The following PDE4B variants were observed in gnomAD, a reference collection of about 807,000 sequenced individuals.
The protein encoded by PDE4B is phosphodiesterase 4B.
Under a neutral mutation model 82.2 loss-of-function variants are expected in PDE4B, and 20 were observed. The observed-to-expected ratio is 0.24, with a 90% confidence interval of 0.17 to 0.35. PDE4B has a LOEUF of 0.35. PDE4B is among the 10% of genes least tolerant of loss of function. The probability of loss-of-function intolerance (pLI) is 1.00; values close to 1 mark genes in which losing one functional copy is unlikely to be tolerated. For missense variants in PDE4B, 655 were observed against 907.2 expected, an observed-to-expected ratio of 0.72 and a Z score of 3.57; for synonymous variants, 320 against 318.9, an observed-to-expected ratio of 1.00 and a Z score of -0.04.
intron 7 of PDE4B, among the ~76,000 whole-genome samples, chr1:66,288,032 C>G (rs534474402): frequency 6.6e-6 from 1 of 151,910 alleles, no homozygotes; most frequent in East Asian, 1.9e-4. Context: ...AAAGAAATAC[C>G]AAAGGTTAGG....
intron 3 of PDE4B, among the ~76,000 whole-genome samples, chr1:66,029,308 CCT>C (rs1653629586): frequency 6.6e-6 from 1 of 152,128 alleles, no homozygotes; most frequent in Admixed American, 6.5e-5. Context: ...ATTACCTCTC[CCT>C]GAGTCCCTCC....
In PDE4B at chr1:66,332,623, A is replaced by T; in HGVS notation, c.747+3A>T. On this transcript the variant is annotated splice_donor_region_variant and intron_variant, in intron 8 of 16. Coordinates refer to ENST00000341517, the MANE Select transcript of PDE4B (RefSeq NM_002600.4). Reference sequence around the variant, plus strand: ...TCAGTGAGATGGCTTCTAACAAGGTAAGAGATGATCTTTTTATTCATTAAA... The same window carrying T: ...TCAGTGAGATGGCTTCTAACAAGGTTAGAGATGATCTTTTTATTCATTAAA... 2.5e-6 allele frequency: 4 copies of T among 1,613,178 alleles called. No individual in the cohort carries two copies. Among genetic ancestry groups the T allele is most frequent in the Non-Finnish European group, 3.4e-6 (4 of 1,179,400 alleles).
chr1:65,847,049 T>G (rs956218191), intron 1 of PDE4B, among the ~76,000 whole-genome samples: 13 of 152,248 alleles, frequency 8.5e-5, no homozygotes, highest in Non-Finnish European at 1.8e-4. Context: ...AAAAACCTGT[T>G]TTCTGCTAAC....
intron 1 of PDE4B, among the ~76,000 whole-genome samples, chr1:65,808,936 A>G (rs4477250): frequency 0.98 from 149,310 of 152,290 alleles, 73,292 homozygotes; most frequent in Middle Eastern, 1. Flanking sequence ...GGACACACAG[A>G]TCAGGCTTTT....
At chr1:65,853,719 G>T (rs538230830) in intron 1 of PDE4B, among the ~76,000 whole-genome samples, 5 of 151,824 alleles carry the variant, frequency 3.3e-5, no homozygotes, top group Admixed American at 1.3e-4. Context: ...TAGTAGAGAC[G>T]GGGTTTTACC....
chr1:65,998,536 A>G (rs1651681145), intron 3 of PDE4B, among the ~76,000 whole-genome samples: 1 of 152,108 alleles, frequency 6.6e-6, no homozygotes, highest in South Asian at 2.1e-4. Flanking sequence ...AGGTAACTGG[A>G]AAAGGGACAA....
chr1:66,094,334 G>A (rs1192552035), intron 3 of PDE4B: 1 of 152,046 alleles, frequency 6.6e-6, no homozygotes, highest in Non-Finnish European at 1.5e-5. Flanking sequence ...TACAATCCTT[G>A]TATAACAGAA....
In PDE4B at chr1:66,332,089, C is replaced by A. The variant is rs756299313; in HGVS notation, c.635-419C>A. ...CTTTCCTCATTTCTCCTTGAGATGG[C>A]AAAGCACTCAGAAATGACATCACAT... On this transcript the variant is annotated intron_variant, in intron 7 of 16. Coordinates refer to ENST00000341517, the MANE Select transcript of PDE4B (RefSeq NM_002600.4). 155 of 1,151,014 alleles carry A rather than the reference C, an allele frequency of 1.3e-4. No homozygotes were observed. The Middle Eastern group carries it at 1.8e-3, about 13-fold the overall frequency. The allele number at this position is 1,151,014 out of a possible 1,614,324, so 71.3% of individuals were successfully genotyped here.
At chr1:66,161,542 G>A (rs1646613453) in intron 3 of PDE4B, among the ~76,000 whole-genome samples, 2 of 151,882 alleles carry the variant, frequency 1.3e-5, no homozygotes, top group African/African-American at 4.8e-5. Flanking sequence ...ATATTGTATT[G>A]CTTACGAGAT....
intron 3 of PDE4B, among the ~76,000 whole-genome samples, chr1:65,924,664 T>A (rs542418318): frequency 1.6e-3 from 240 of 152,310 alleles, no homozygotes; most frequent in African/African-American, 5.4e-3. Flanking sequence ...TGGAATCAAG[T>A]AATTGGCCAG....
chr1:65,938,227 A>G (rs1343420634), intron 3 of PDE4B, among the ~76,000 whole-genome samples: 1 of 152,162 alleles, frequency 6.6e-6, no homozygotes, highest in Non-Finnish European at 1.5e-5. Flanking sequence ...CCTGTCCTCT[A>G]GGAATTCTCA....
intron 1 of PDE4B, among the ~76,000 whole-genome samples, chr1:65,794,887 C>T (rs1413079940): frequency 6.6e-6 from 1 of 152,146 alleles, no homozygotes; most frequent in Non-Finnish European, 1.5e-5. Context: ...AGTGTGTCTA[C>T]TTGTATTTTT....
intron 3 of PDE4B, among the ~76,000 whole-genome samples, chr1:65,946,428 A>C (rs541635368): frequency 6.6e-6 from 1 of 152,092 alleles, no homozygotes; most frequent in African/African-American, 2.4e-5. Flanking sequence ...GGCTGATTTC[A>C]AGTGCCAAAC....
At chr1:66,025,774 C>T (rs1010288563) in intron 3 of PDE4B, among the ~76,000 whole-genome samples, 1 of 152,170 alleles carries the variant, frequency 6.6e-6, no homozygotes, top group African/African-American at 2.4e-5. Flanking sequence ...TCTGCAATAT[C>T]CAGCAAGCAA....
chr1:66,055,309 C>A (rs1655238877), intron 3 of PDE4B, among the ~76,000 whole-genome samples: 1 of 152,178 alleles, frequency 6.6e-6, no homozygotes, highest in Admixed American at 6.5e-5. Context: ...AGGTGAGTTA[C>A]TTTTGACTGG....
At chr1:66,237,367 G>A (rs6678048) in intron 3 of PDE4B, among the ~76,000 whole-genome samples, 3 of 151,944 alleles carry the variant, frequency 2.0e-5, no homozygotes, top group Non-Finnish European at 2.9e-5. Context: ...TTCCTTCCAC[G>A]TCTCTACCTC....
chr1:66,200,069 G>T (rs1238970019), intron 3 of PDE4B, among the ~76,000 whole-genome samples: 2 of 152,132 alleles, frequency 1.3e-5, no homozygotes, highest in African/African-American at 2.4e-5. Flanking sequence ...CATATGGCTA[G>T]CCAGTTTTCC....
At chr1:66,234,858 G>A (rs537863289) in intron 3 of PDE4B, among the ~76,000 whole-genome samples, 21 of 151,884 alleles carry the variant, frequency 1.4e-4, no homozygotes, top group Non-Finnish European at 2.6e-4. Flanking sequence ...AGCTAGAAAC[G>A]GAAGTCATTT....
intron 3 of PDE4B, among the ~76,000 whole-genome samples, chr1:65,961,058 A>G (rs1649519544): frequency 6.6e-6 from 1 of 152,202 alleles, no homozygotes; most frequent in African/African-American, 2.4e-5. Context: ...GAAACAAAAC[A>G]GATGAAACCT....
Sources: allele counts gnomAD v4.1 joint callset (sites outside exome capture counted in the v4.1 genomes callset), GRCh38; gene constraint gnomAD v4.1.1; transcripts MANE v1.5; gene names NCBI Gene and HGNC (gene_info 2026-07-23, HGNC 2026-07-21).